Variants in FER observed in about 807,000 individuals in gnomAD.
The protein encoded by FER is tyrosine-protein kinase Fer.
Under a neutral mutation model 111.0 loss-of-function variants are expected in FER, and 63 were observed. That is an observed-to-expected ratio of 0.57 (90% CI 0.46 to 0.70). The LOEUF (loss-of-function observed/expected upper bound fraction) is 0.70. Among genes scored for constraint, FER ranks in the 30% least tolerant of loss-of-function variants. The pLI, the probability that FER is intolerant of heterozygous loss-of-function variation, is 0.00. For synonymous variants in FER, 327 were observed against 313.9 expected, an observed-to-expected ratio of 1.04 and a Z score of -0.44; for missense variants, 914 against 954.0, an observed-to-expected ratio of 0.96 and a Z score of 0.55.
At chr5:108,957,299 A>G (rs578183970) in intron 12 of FER, among the ~76,000 whole-genome samples, 1 of 151,778 alleles carries the variant, frequency 6.6e-6, no homozygotes, top group South Asian at 2.1e-4. Context: ...CAAAGTATAA[A>G]TAGACATTTC....
At chr5:108,918,004 A>G (rs1219320632) in intron 10 of FER, among the ~76,000 whole-genome samples, 1 of 152,216 alleles carries the variant, frequency 6.6e-6, no homozygotes, top group African/African-American at 2.4e-5. Flanking sequence ...CATTCAGGAA[A>G]ATATAAATAT....
intron 2 of FER, among the ~76,000 whole-genome samples, chr5:108,787,959 A>G (rs1754926799): frequency 6.6e-6 from 1 of 152,170 alleles, no homozygotes; most frequent in South Asian, 2.1e-4. Flanking sequence ...GACCTACTGA[A>G]TGGTGGGACT....
intron 13 of FER, among the ~76,000 whole-genome samples, chr5:109,012,954 A>G (rs1266803757): frequency 6.6e-6 from 1 of 152,112 alleles, no homozygotes; most frequent in Non-Finnish European, 1.5e-5. Context: ...TATTTAACTC[A>G]CTTATTTCTC....
intron 17 of FER, among the ~76,000 whole-genome samples, chr5:109,143,861 T>C (rs1428447175): frequency 6.7e-6 from 1 of 149,960 alleles, no homozygotes; most frequent in East Asian, 1.9e-4. Context: ...AAAATATATA[T>C]ATATTTATAT....
chr5:109,035,912 A>G (rs1219000334), intron 13 of FER, among the ~76,000 whole-genome samples: 1 of 152,148 alleles, frequency 6.6e-6, no homozygotes, highest in African/African-American at 2.4e-5. Context: ...ACTGGTGACT[A>G]ATGATGTTAA....
intron 3 of FER, among the ~76,000 whole-genome samples, chr5:108,802,978 C>T (rs958472292): frequency 2.6e-5 from 4 of 152,064 alleles, no homozygotes; most frequent in Non-Finnish European, 4.4e-5. Flanking sequence ...TAAGTGTTCC[C>T]GTCTCTCCAC....
chr5:109,023,215 T>C (rs1353563163), intron 13 of FER, among the ~76,000 whole-genome samples: 1 of 152,162 alleles, frequency 6.6e-6, no homozygotes, highest in Non-Finnish European at 1.5e-5. Flanking sequence ...ATGCATTGTA[T>C]GTGGAGAATG....
chr5:108,990,502 T>G (rs1763039442), intron 13 of FER, among the ~76,000 whole-genome samples: 1 of 151,674 alleles, frequency 6.6e-6, no homozygotes, highest in Admixed American at 6.6e-5. Flanking sequence ...TTAATACATT[T>G]CAAAGAAATA....
Position 108,871,408 on chromosome 5 carries a change from A to G in FER, c.709A>G (p.Thr237Ala). 1 of 1,611,994 alleles carries G rather than the reference A, an allele frequency of 6.2e-7. No homozygotes were observed. The highest frequency in any genetic ancestry group is 8.5e-7 in the Non-Finnish European group (1 of 1,178,584). Residue 237 changes from threonine (T) to alanine (A), a missense_variant, in exon 7 of 20, where the codon ACA becomes GCA. By Grantham distance (58) the Thr-to-Ala change is moderately conservative. Around this residue, in one of 3 missense-constraint regions of FER, gnomAD observed 774 missense variants for 782.6 expected, o/e 0.99. Coordinates refer to ENST00000281092, the MANE Select transcript of FER (RefSeq NM_005246.4). ...DEYSQITSLV[T>A]EEIVNVHKEI... ...ATACAGCCAGATAACCAGTCTTGTC[A>G]CAGAGGAAATAGTGAATGTCCATAA...
At chr5:109,029,282 A>T (rs1355084004) in intron 13 of FER, among the ~76,000 whole-genome samples, 4 of 136,830 alleles carry the variant, frequency 2.9e-5, no homozygotes, top group Admixed American at 7.8e-5. Context: ...GTTTTAGGGT[A>T]CATGTGCACA....
At chr5:108,805,524 A>C (rs1757113576) in intron 3 of FER, among the ~76,000 whole-genome samples, 1 of 152,206 alleles carries the variant, frequency 6.6e-6, no homozygotes, top group Admixed American at 6.5e-5. Context: ...AGACAGGAAA[A>C]TGTGGGAAAG....
intron 5 of FER, among the ~76,000 whole-genome samples, chr5:108,862,392 A>T (rs1322992399): frequency 1.3e-5 from 2 of 152,184 alleles, no homozygotes; most frequent in Admixed American, 1.3e-4. Flanking sequence ...AGCTAGAAAG[A>T]CAGATGGGTA....
At chr5:108,771,039 C>G (rs1752844278) in intron 2 of FER, among the ~76,000 whole-genome samples, 1 of 151,788 alleles carries the variant, frequency 6.6e-6, no homozygotes, top group South Asian at 2.1e-4. Flanking sequence ...CGGGTTCAAG[C>G]AGTGTTCTGT....
intron 10 of FER, among the ~76,000 whole-genome samples, chr5:108,917,550 C>T (rs1484117171): frequency 1.3e-5 from 2 of 152,026 alleles, no homozygotes; most frequent in Non-Finnish European, 2.9e-5. Flanking sequence ...GGGGATGTTG[C>T]CTCTTTCCCA....
At chr5:109,067,189 C>T (rs966293139) in intron 16 of FER, among the ~76,000 whole-genome samples, 19 of 152,018 alleles carry the variant, frequency 1.2e-4, no homozygotes, top group African/African-American at 4.6e-4. Context: ...TTTTATTTGC[C>T]ATACAGTCAG....
At chr5:108,904,555 T>A (rs1326526697) in intron 10 of FER, among the ~76,000 whole-genome samples, 1 of 152,192 alleles carries the variant, frequency 6.6e-6, no homozygotes, top group African/African-American at 2.4e-5. Context: ...CAGACCCACG[T>A]AGGACTTCAG....
At chr5:108,785,431 T>A (rs1037495577) in intron 2 of FER, 12 of 582,250 alleles carry the variant, frequency 2.1e-5, no homozygotes, top group African/African-American at 1.9e-4. Context: ...AAGTTATTAG[T>A]ACTGGCAGCA....
intron 11 of FER, among the ~76,000 whole-genome samples, chr5:108,950,967 T>TA (rs35248332): frequency 4.7e-5 from 7 of 149,912 alleles, no homozygotes; most frequent in East Asian, 2.0e-4. Context: ...CCTATGGAAT[T>TA]AAAAAAAAAA....
intron 17 of FER, among the ~76,000 whole-genome samples, chr5:109,143,047 C>T (rs1440133334): frequency 1.3e-5 from 2 of 152,056 alleles, no homozygotes; most frequent in Admixed American, 6.6e-5. Context: ...CACTTCTGGC[C>T]ACTTTAATTT....
Sources: allele counts gnomAD v4.1 joint callset (sites outside exome capture counted in the v4.1 genomes callset), GRCh38; gene constraint gnomAD v4.1.1; regional missense constraint gnomAD v4.1.1; transcripts MANE v1.5; gene names NCBI Gene and HGNC (gene_info 2026-07-23, HGNC 2026-07-21).